Variants in CPEB3 observed in about 807,000 individuals in gnomAD.
CPEB3 encodes the protein cytoplasmic polyadenylation element-binding protein 3.
Under a neutral mutation model 67.2 loss-of-function variants are expected in CPEB3, and 20 were observed. That is an observed-to-expected ratio of 0.30 (90% CI 0.21 to 0.43). The LOEUF (loss-of-function observed/expected upper bound fraction) is 0.43, where lower values mean the gene tolerates loss of function less well. Among genes scored for constraint, CPEB3 ranks in the 20% least tolerant of loss-of-function variants. The pLI is 1.00. For synonymous variants in CPEB3, 376 were observed against 393.1 expected, an observed-to-expected ratio of 0.96 and a Z score of 0.51; for missense variants, 746 against 968.6, an observed-to-expected ratio of 0.77 and a Z score of 3.05.
intron 9 of CPEB3, among the ~76,000 whole-genome samples, chr10:92,056,804 C>A (rs1322010624): frequency 6.6e-6 from 1 of 152,140 alleles, no homozygotes; most frequent in Non-Finnish European, 1.5e-5. Flanking sequence ...GCTCATGGCT[C>A]CAAAAGAGAC....
intron 7 of CPEB3, among the ~76,000 whole-genome samples, chr10:92,093,793 C>T (rs973509833): frequency 2.0e-5 from 3 of 152,030 alleles, no homozygotes; most frequent in Non-Finnish European, 2.9e-5. Flanking sequence ...CGAGCCACCG[C>T]GCCTGGCCAG....
At chr10:92,063,495 T>C (rs1842434923) in intron 9 of CPEB3, among the ~76,000 whole-genome samples, 1 of 152,224 alleles carries the variant, frequency 6.6e-6, no homozygotes, top group Non-Finnish European at 1.5e-5. Flanking sequence ...CCGGGCCCAG[T>C]GGCTCACGCC....
chr10:92,149,433 T>A (rs1846853892), intron 4 of CPEB3, among the ~76,000 whole-genome samples: 3 of 152,172 alleles, frequency 2.0e-5, no homozygotes. Flanking sequence ...CATGAGGAAG[T>A]CTTGAACGAG....
chr10:92,231,340 ACT>A (rs1353380036), intron 2 of CPEB3, among the ~76,000 whole-genome samples: 4 of 152,062 alleles, frequency 2.6e-5, no homozygotes, highest in African/African-American at 7.2e-5. Flanking sequence ...CCTCTTTTAA[ACT>A]CTAATTCTGA....
rs1851776331 is a variant in CPEB3, at chr10:92,240,228, G to A, written c.123C>T (p.Ser41=). Residue 41 remains serine (S), a synonymous_variant, in exon 2 of 10, where the codon TCC becomes TCT. Transcript: ENST00000265997. ...TTTCCTCCGGCTTGGGGGTCTCTGA[G>A]GAGAGGGGCGTGGACGGGGCTTCGG... is the stretch of plus-strand genomic sequence containing the variant. ...SVSEAPSTPL[S]SETPKPEENS... is the part of the protein sequence containing the mutation. 1.4e-5 allele frequency: 21 copies of A among 1,508,796 alleles called. No homozygotes were observed. In the East Asian group the frequency reaches 4.9e-4, roughly 35 times the overall value. The allele number at this position is 1,508,796 out of a possible 1,614,324, so 93.5% of individuals were successfully genotyped here.
At chr10:92,115,131 C>T (rs1305605817) in intron 6 of CPEB3, among the ~76,000 whole-genome samples, 2 of 152,134 alleles carry the variant, frequency 1.3e-5, no homozygotes, top group South Asian at 2.1e-4. Context: ...CCGGGACCGC[C>T]GGGCCACCAC....
intron 9 of CPEB3, among the ~76,000 whole-genome samples, chr10:92,078,595 G>A (rs1030620744): frequency 6.6e-6 from 1 of 152,134 alleles, no homozygotes; most frequent in African/African-American, 2.4e-5. Flanking sequence ...TACCTTAAAT[G>A]TTTACCAAGG....
chr10:92,095,282 G>A (rs904415633), intron 7 of CPEB3, among the ~76,000 whole-genome samples: 1 of 152,110 alleles, frequency 6.6e-6, no homozygotes, highest in African/African-American at 2.4e-5. Flanking sequence ...CCCTATTCAC[G>A]AAACCTACAT....
intron 7 of CPEB3, among the ~76,000 whole-genome samples, chr10:92,093,163 G>A (rs942269452): frequency 3.9e-5 from 6 of 152,156 alleles, no homozygotes; most frequent in Non-Finnish European, 7.4e-5. Flanking sequence ...AACCAGTTAC[G>A]CAGGTAGCCA....
At chr10:92,109,056 A>G (rs1039366972) in intron 7 of CPEB3, among the ~76,000 whole-genome samples, 12 of 152,186 alleles carry the variant, frequency 7.9e-5, no homozygotes, top group African/African-American at 2.9e-4. Context: ...ACCTGCATGG[A>G]CATAACTATT....
chr10:92,289,732 A>AAAAAAAAAAAAAAAAAT lies in CPEB3; in HGVS notation c.-12+1193_-12+1194insATTTTTTTTTTTTTTTT. Among the ~76,000 whole-genome samples, 283 of 75,722 alleles carry AAAAAAAAAAAAAAAAAT rather than the reference A, an allele frequency of 3.7e-3. 12 individuals are homozygous for AAAAAAAAAAAAAAAAAT. The highest frequency in any genetic ancestry group is 5.6e-3 in the Non-Finnish European group (220 of 39,076). 49.7% of individuals were successfully genotyped at this position (75,722 alleles called of 152,430 possible). ...CGCGTCTCTACCAAAAAAAAAAAAA[A>AAAAAAAAAAAAAAAAAT]ATATATATATATATATATATATATA... On this transcript the variant is annotated intron_variant, in intron 1 of 9. Coordinates refer to ENST00000265997, the MANE Select transcript of CPEB3 (RefSeq NM_014912.5).
chr10:92,287,300 C>T (rs1362445361), intron 1 of CPEB3, among the ~76,000 whole-genome samples: 1 of 152,048 alleles, frequency 6.6e-6, no homozygotes, highest in African/African-American at 2.4e-5. Flanking sequence ...GATTTTCAAC[C>T]CTACATATAA....
intron 9 of CPEB3, among the ~76,000 whole-genome samples, chr10:92,058,901 A>C (rs1170472163): frequency 6.6e-6 from 1 of 152,190 alleles, no homozygotes; most frequent in Non-Finnish European, 1.5e-5. Context: ...GATCATCCTC[A>C]AGGATAGATC....
intron 1 of CPEB3, among the ~76,000 whole-genome samples, chr10:92,279,307 C>T (rs1263435946): frequency 6.6e-6 from 1 of 152,118 alleles, no homozygotes. Flanking sequence ...GCTTCAGGGC[C>T]CAAAATGTTT....
At chr10:92,173,545 G>A (rs1848097564) in intron 4 of CPEB3, among the ~76,000 whole-genome samples, 1 of 152,104 alleles carries the variant, frequency 6.6e-6, no homozygotes, top group Admixed American at 6.6e-5. Flanking sequence ...CACCGAATTT[G>A]CATGTTTGTG....
intron 9 of CPEB3, among the ~76,000 whole-genome samples, chr10:92,076,765 A>C (rs1004981135): frequency 8.2e-5 from 6 of 73,474 alleles, no homozygotes; most frequent in Non-Finnish European, 2.0e-4. Flanking sequence ...AAGTAGAAGA[A>C]GGAAGAAGAA....
At chr10:92,175,144 C>A (rs1848167865) in intron 4 of CPEB3, among the ~76,000 whole-genome samples, 1 of 151,668 alleles carries the variant, frequency 6.6e-6, no homozygotes, top group African/African-American at 2.4e-5. Flanking sequence ...AAAAAGAAGA[C>A]AATGTTACTA....
chr10:92,067,749 C>T (rs1590065828), intron 9 of CPEB3, among the ~76,000 whole-genome samples: 1 of 152,056 alleles, frequency 6.6e-6, no homozygotes, highest in Non-Finnish European at 1.5e-5. Flanking sequence ...ACCTGGGAGG[C>T]GGAGGTTGCG....
chr10:92,231,362 C>G (rs1851259749), intron 2 of CPEB3, among the ~76,000 whole-genome samples: 2 of 152,196 alleles, frequency 1.3e-5, no homozygotes, highest in South Asian at 4.1e-4. Flanking sequence ...ACTACAATTA[C>G]AGAAGTTAGG....
Sources: gnomAD v4.1 joint callset for allele counts (sites outside exome capture counted in the v4.1 genomes callset) on GRCh38, gnomAD v4.1.1 for gene constraint, MANE v1.5 for transcripts, NCBI Gene and HGNC (gene_info 2026-07-23, HGNC 2026-07-21) for gene names.